Variants in SLC35F1 observed in about 807,000 individuals in gnomAD.
The protein encoded by SLC35F1 is chromosome 6 open reading frame 169.
SLC35F1 carries 14 observed loss-of-function variants against 48.7 expected under a neutral mutation model. The observed-to-expected ratio is 0.29, with a 90% confidence interval of 0.19 to 0.45. SLC35F1 has a LOEUF of 0.45. Ranked by LOEUF, SLC35F1 falls within the 20% of genes least tolerant of loss-of-function variation. The probability of loss-of-function intolerance (pLI) is 1.00; values close to 1 mark genes in which losing one functional copy is unlikely to be tolerated. For missense variants in SLC35F1, 404 were observed against 500.0 expected (o/e 0.81, Z 1.83); for synonymous variants, 190 against 202.2 (o/e 0.94, Z 0.51).
chr6:118,124,075 C>T (rs916920469), intron 1 of SLC35F1, among the ~76,000 whole-genome samples: 3 of 152,150 alleles, frequency 2.0e-5, no homozygotes, highest in Admixed American at 6.6e-5. Context: ...CTCATAGTCT[C>T]AGGGTATTTC....
chr6:118,116,387 G>C (rs776959484), intron 1 of SLC35F1, among the ~76,000 whole-genome samples: 11 of 152,194 alleles, frequency 7.2e-5, no homozygotes, highest in Non-Finnish European at 1.5e-4. Flanking sequence ...ACAGAGTCTA[G>C]TTTGAAGATC....
At chr6:118,064,119 G>T (rs1772580929) in intron 1 of SLC35F1, among the ~76,000 whole-genome samples, 1 of 152,142 alleles carries the variant, frequency 6.6e-6, no homozygotes, top group Admixed American at 6.5e-5. Flanking sequence ...TACATGGATG[G>T]TAGCAGGCAA....
chr6:117,937,065 G>A (rs1776171148), intron 1 of SLC35F1, among the ~76,000 whole-genome samples: 1 of 152,162 alleles, frequency 6.6e-6, no homozygotes, highest in African/African-American at 2.4e-5. Context: ...TTCTCACAGA[G>A]GTCCCATAAG....
At chr6:118,306,078 G>A (rs550114311) in intron 7 of SLC35F1, among the ~76,000 whole-genome samples, 93 of 152,244 alleles carry the variant, frequency 6.1e-4, no homozygotes, top group Admixed American at 1.2e-3. Flanking sequence ...TAAAGTAATA[G>A]TCCAGTTTCC....
At chr6:118,071,959 T>G (rs548480527) in intron 1 of SLC35F1, among the ~76,000 whole-genome samples, 32 of 152,332 alleles carry the variant, frequency 2.1e-4, no homozygotes, top group African/African-American at 7.7e-4. Flanking sequence ...AACTTTGAGG[T>G]TCATATCCTT....
intron 1 of SLC35F1, among the ~76,000 whole-genome samples, chr6:118,073,671 A>T (rs1772776339): frequency 6.6e-6 from 1 of 152,218 alleles, no homozygotes; most frequent in Non-Finnish European, 1.5e-5. Context: ...AATTTTATGT[A>T]ACATGATTGA....
chr6:117,963,348 T>G (rs1169012019), intron 1 of SLC35F1, among the ~76,000 whole-genome samples: 1 of 64,686 alleles, frequency 1.5e-5, no homozygotes, highest in Non-Finnish European at 3.8e-5. Context: ...TATTTTATTG[T>G]TTTTTTTTTT....
At chr6:118,050,664 T>C (rs1408375262) in intron 1 of SLC35F1, among the ~76,000 whole-genome samples, 1 of 152,068 alleles carries the variant, frequency 6.6e-6, no homozygotes, top group Non-Finnish European at 1.5e-5. Context: ...CTGAAAGAAA[T>C]TCCCTGTTGA....
chr6:118,051,545 A>G, intron 1 of SLC35F1, among the ~76,000 whole-genome samples: 1 of 152,188 alleles, frequency 6.6e-6, no homozygotes, highest in Non-Finnish European at 1.5e-5. Context: ...CTTACTGTAT[A>G]TTTGTCACTG....
chr6:118,111,183 T>C (rs1773394550), intron 1 of SLC35F1, among the ~76,000 whole-genome samples: 1 of 152,048 alleles, frequency 6.6e-6, no homozygotes, highest in African/African-American at 2.4e-5. Context: ...TTTGAAGTAA[T>C]GATGGCTGAG....
intron 2 of SLC35F1, among the ~76,000 whole-genome samples, chr6:118,180,776 A>G (rs941526466): frequency 1.8e-4 from 27 of 152,254 alleles, no homozygotes; most frequent in African/African-American, 6.5e-4. Context: ...GGAGATGGGC[A>G]CTAAAGAGAT....
intron 1 of SLC35F1, among the ~76,000 whole-genome samples, chr6:117,987,274 T>C (rs73768128): frequency 4.3e-4 from 64 of 150,462 alleles, no homozygotes; most frequent in Middle Eastern, 3.5e-3. Flanking sequence ...GTAATGTAAG[T>C]CTTCTAGTTT....
intron 1 of SLC35F1, among the ~76,000 whole-genome samples, chr6:118,146,940 T>G (rs1398382937): frequency 6.6e-6 from 1 of 152,218 alleles, no homozygotes; most frequent in Non-Finnish European, 1.5e-5. Flanking sequence ...CTTCTAAAAG[T>G]AAGTCTGAAT....
rs535656749 is a variant in SLC35F1, at chr6:117,913,014, G to A, written c.173+5115G>A. 9.9e-5 allele frequency among the ~76,000 whole-genome samples: 15 copies of A among 152,220 alleles called. No homozygotes were observed. The South Asian group carries it at 2.7e-3, about 27-fold the overall frequency. On this transcript the variant is annotated intron_variant, in intron 1 of 7. Transcript: ENST00000360388. ...AGGCAATTGAGCTGCTGCTCATATC[G>A]CTCATATAGCTCTAAAGTTACTTAA...
intron 1 of SLC35F1, among the ~76,000 whole-genome samples, chr6:118,054,711 G>C (rs1194756658): frequency 6.6e-6 from 1 of 152,096 alleles, no homozygotes; most frequent in Non-Finnish European, 1.5e-5. Context: ...CATGCTGAAG[G>C]CTCTGTTTTC....
intron 3 of SLC35F1, among the ~76,000 whole-genome samples, chr6:118,254,126 A>G (rs1358137872): frequency 3.3e-5 from 5 of 152,112 alleles, no homozygotes; most frequent in African/African-American, 7.2e-5. Context: ...CTGAGTGTCA[A>G]CTGGAGGAAA....
chr6:118,016,325 G>T (rs897457068), intron 1 of SLC35F1, among the ~76,000 whole-genome samples: 1 of 152,136 alleles, frequency 6.6e-6, no homozygotes, highest in Non-Finnish European at 1.5e-5. Flanking sequence ...TTTGATGCTT[G>T]GGGCAAACGG....
chr6:118,041,131 A>G (rs968894431), intron 1 of SLC35F1, among the ~76,000 whole-genome samples: 20 of 152,198 alleles, frequency 1.3e-4, no homozygotes, highest in African/African-American at 4.1e-4. Flanking sequence ...AATCTGCAAG[A>G]CTTGATGCAA....
intron 1 of SLC35F1, among the ~76,000 whole-genome samples, chr6:118,014,948 A>G (rs1393913819): frequency 3.3e-5 from 5 of 152,168 alleles, no homozygotes; most frequent in African/African-American, 1.2e-4. Flanking sequence ...TTGTACTCCT[A>G]TAATTTCCAC....
Sources: gnomAD v4.1 joint callset for allele counts (sites outside exome capture counted in the v4.1 genomes callset) on GRCh38, gnomAD v4.1.1 for gene constraint, MANE v1.5 for transcripts, NCBI Gene and HGNC (gene_info 2026-07-23, HGNC 2026-07-21) for gene names.